The following IQCB1 variants were observed in gnomAD, a reference collection of about 807,000 sequenced individuals.
The protein encoded by IQCB1 is IQ motif containing B1.
Under a neutral mutation model 84.4 loss-of-function variants are expected in IQCB1, and 56 were observed. The ratio of observed to expected loss-of-function variants is 0.66; its 90% confidence interval spans 0.54 to 0.83. The LOEUF (loss-of-function observed/expected upper bound fraction) is 0.83. Ranked by LOEUF, IQCB1 falls within the 40% of genes least tolerant of loss-of-function variation. The pLI is 0.00. For missense variants in IQCB1, 629 were observed against 682.1 expected (o/e 0.92, Z 0.87); for synonymous variants, 210 against 234.8 (o/e 0.89, Z 0.96).
intron 12 of IQCB1, among the ~76,000 whole-genome samples, chr3:121,785,842 T>C (rs893410835): frequency 6.6e-6 from 1 of 151,986 alleles, no homozygotes; most frequent in African/African-American, 2.4e-5. Context: ...ATTATTTTAT[T>C]GAACAGTGCA....
At chr3:121,782,171 G>C (rs115106097) in intron 12 of IQCB1, among the ~76,000 whole-genome samples, 2,305 of 152,202 alleles carry the variant, frequency 0.015, 62 homozygotes, top group African/African-American at 0.052. Flanking sequence ...TATGATTCTG[G>C]GCAAGGCACT....
At chr3:121,830,355 T>C (rs1429323519) in intron 2 of IQCB1, among the ~76,000 whole-genome samples, 1 of 151,900 alleles carries the variant, frequency 6.6e-6, no homozygotes, top group Non-Finnish European at 1.5e-5. Context: ...CGCTTGAGAA[T>C]TGGTGTTCAA....
chr3:121,783,015 G>A (rs142407959), intron 12 of IQCB1, among the ~76,000 whole-genome samples: 38 of 152,196 alleles, frequency 2.5e-4, no homozygotes, highest in South Asian at 1.9e-3. Context: ...CATGCTCATC[G>A]GCTGCTTTTG....
chr3:121,799,694 A>G (rs964759279), intron 7 of IQCB1, among the ~76,000 whole-genome samples: 2 of 151,904 alleles, frequency 1.3e-5, no homozygotes, highest in African/African-American at 4.8e-5. Context: ...AACAATAAAT[A>G]ATTTAAAAGC....
chr3:121,821,182 T>A (rs1321641035), intron 5 of IQCB1, among the ~76,000 whole-genome samples: 2 of 152,048 alleles, frequency 1.3e-5, no homozygotes, highest in Non-Finnish European at 2.9e-5. Context: ...CCCAGGTTGG[T>A]CTTGAACTCC....
chr3:121,803,524 AT>A (rs71133573), intron 7 of IQCB1, among the ~76,000 whole-genome samples: 97,777 of 151,914 alleles, frequency 0.64, 31,956 homozygotes, highest in African/African-American at 0.71. Flanking sequence ...GGTCATACTA[AT>A]TTTTTTGTCT....
At chr3:121,808,876 C>A in intron 6 of IQCB1, 40 bp downstream of exon 6, 2 of 1,222,792 alleles carry the variant, frequency 1.6e-6, no homozygotes, top group Non-Finnish European at 2.4e-6. Flanking sequence ...GCAGTTGACT[C>A]TACAATAGCT....
intron 5 of IQCB1, among the ~76,000 whole-genome samples, chr3:121,822,501 C>T (rs1323789869): frequency 1.3e-5 from 2 of 152,168 alleles, no homozygotes. Context: ...CCATTGAATT[C>T]TTGACTCTTA....
chr3:121,785,748 G>A (rs1576550267), intron 12 of IQCB1, among the ~76,000 whole-genome samples: 1 of 152,096 alleles, frequency 6.6e-6, no homozygotes, highest in African/African-American at 2.4e-5. Flanking sequence ...TTCAAAATCT[G>A]GTGGGTATTT....
intron 9 of IQCB1, 123 bp from the exon 10 acceptor site, chr3:121,795,689 G>C: frequency 2.9e-6 from 2 of 682,722 alleles, no homozygotes; most frequent in Non-Finnish European, 5.3e-6. Context: ...AGATGGGTAA[G>C]AATATTAAAC....
At chr3:121,784,801 C>T (rs1025375206) in intron 12 of IQCB1, among the ~76,000 whole-genome samples, 1 of 151,968 alleles carries the variant, frequency 6.6e-6, no homozygotes, top group Non-Finnish European at 1.5e-5. Flanking sequence ...CCCACTTCAG[C>T]CTCCCGAGTA....
intron 12 of IQCB1, among the ~76,000 whole-genome samples, chr3:121,783,134 T>C (rs1053450174): frequency 6.6e-6 from 1 of 152,190 alleles, no homozygotes; most frequent in African/African-American, 2.4e-5. Context: ...TTGTTTAATG[T>C]GTCAGTTTTG....
At chr3:121,781,438 A>G (rs1948487538) in intron 13 of IQCB1, among the ~76,000 whole-genome samples, 1 of 152,164 alleles carries the variant, frequency 6.6e-6, no homozygotes, top group African/African-American at 2.4e-5. Flanking sequence ...GGAAGGTTCA[A>G]AATAGTCCAA....
At chr3:121,820,945 C>A (rs908790147) in intron 5 of IQCB1, among the ~76,000 whole-genome samples, 1 of 149,058 alleles carries the variant, frequency 6.7e-6, no homozygotes, top group African/African-American at 2.5e-5. Context: ...TCTTCACTAT[C>A]GTAGAATCAA....
chr3:121,775,880 T>A (rs1057234872), intron 13 of IQCB1, among the ~76,000 whole-genome samples: 1 of 152,164 alleles, frequency 6.6e-6, no homozygotes, highest in Non-Finnish European at 1.5e-5. Flanking sequence ...CTTATCCTCA[T>A]CCTACCCATC....
At chr3:121,781,276 A>G (rs1948479596) in intron 13 of IQCB1, among the ~76,000 whole-genome samples, 1 of 152,164 alleles carries the variant, frequency 6.6e-6, no homozygotes, top group South Asian at 2.1e-4. Context: ...GGACATTTCT[A>G]TTGGGATAAA....
In IQCB1 at chr3:121,788,371, A is replaced by G. The variant is rs556134592; in HGVS notation, c.1191T>C (p.His397=). ...TTTTCCTTTCCCTGTACCCTCTCCA[A>G]TGTTTCTGGATAATCAGTGCTGATT... ...EEKSALIIQK[H]WRGYRERKNF... Residue 397 remains histidine (H), a synonymous_variant, in exon 12 of 15, where the codon CAT becomes CAC. Transcript: ENST00000310864. 1.9e-5 allele frequency: 31 copies of G among 1,613,578 alleles called. No homozygotes were observed. Among genetic ancestry groups the G allele is most frequent in the Middle Eastern group, 1.7e-4 (1 of 6,058 alleles).
intron 5 of IQCB1, among the ~76,000 whole-genome samples, chr3:121,809,559 C>T (rs146110009): frequency 3.9e-4 from 60 of 152,214 alleles, no homozygotes; most frequent in Admixed American, 8.5e-4. Context: ...GCTCCCCATA[C>T]AAACTCAGTT....
chr3:121,788,112 C>T (rs1294977167), intron 12 of IQCB1, among the ~76,000 whole-genome samples, 172 bp downstream of exon 12: 1 of 152,164 alleles, frequency 6.6e-6, no homozygotes, highest in African/African-American at 2.4e-5. Flanking sequence ...GACTGAGTGT[C>T]TAAATCAGCT....
Sources: gnomAD v4.1 joint callset for allele counts (sites outside exome capture counted in the v4.1 genomes callset) on GRCh38, gnomAD v4.1.1 for gene constraint, MANE v1.5 for transcripts, NCBI Gene and HGNC (gene_info 2026-07-23, HGNC 2026-07-21) for gene names.